Variants in MYO10 observed in about 807,000 individuals in gnomAD.
The protein encoded by MYO10 is myosin X, also known as unconventional myosin-X.
Under a neutral mutation model 257.3 loss-of-function variants are expected in MYO10, and 133 were observed. The observed-to-expected ratio is 0.52, with a 90% confidence interval of 0.45 to 0.60. The LOEUF (loss-of-function observed/expected upper bound fraction) is 0.60, where lower values mean the gene tolerates loss of function less well. MYO10 is among the 20% of genes least tolerant of loss of function. MYO10 has a pLI of 0.00. For synonymous variants in MYO10, 1,104 were observed against 1,028.6 expected (o/e 1.07, Z -1.40); for missense variants, 2,399 against 2,635.7 (o/e 0.91, Z 1.97).
chr5:16,930,580 G>A (rs576092446), intron 1 of MYO10, among the ~76,000 whole-genome samples: 1 of 152,296 alleles, frequency 6.6e-6, no homozygotes, highest in South Asian at 2.1e-4. Flanking sequence ...CAGGAGTACT[G>A]ACATTCCATT....
intron 2 of MYO10, among the ~76,000 whole-genome samples, chr5:16,864,363 C>T (rs1744185419): frequency 6.6e-6 from 1 of 152,098 alleles, no homozygotes; most frequent in African/African-American, 2.4e-5. Context: ...GATGACAAGT[C>T]CCCATTCTAA....
At chr5:16,887,906 A>C (rs971334803) in intron 1 of MYO10, among the ~76,000 whole-genome samples, 11 of 152,208 alleles carry the variant, frequency 7.2e-5, no homozygotes, top group Non-Finnish European at 1.5e-5. Flanking sequence ...AACAATTTTT[A>C]ACACTAAAAG....
chr5:16,780,677 C>G, intron 7 of MYO10, 51 bp downstream of exon 7: 1 of 1,547,358 alleles, frequency 6.5e-7, no homozygotes, highest in Non-Finnish European at 8.8e-7. Context: ...CCAATAATTT[C>G]TGAAAATTGT....
intron 9 of MYO10, among the ~76,000 whole-genome samples, chr5:16,778,715 C>T (rs1173445939): frequency 2.3e-4 from 27 of 116,800 alleles, no homozygotes; most frequent in Non-Finnish European, 3.8e-4. Context: ...TTTTTTGAGA[C>T]GGAGTCTCGC....
chr5:16,816,139 G>A (rs529272257), intron 3 of MYO10, among the ~76,000 whole-genome samples: 2 of 151,276 alleles, frequency 1.3e-5, no homozygotes, highest in Middle Eastern at 3.5e-3. Context: ...TCAGGAGATC[G>A]AGACCATCCT....
chr5:16,925,858 CAA>C (rs1336733729), intron 1 of MYO10, among the ~76,000 whole-genome samples: 1 of 152,126 alleles, frequency 6.6e-6, no homozygotes, highest in African/African-American at 2.4e-5. Flanking sequence ...GTCTTGCTGC[CAA>C]AAGTGTTTCA....
At chr5:16,775,847 G>A (rs1741195848) in intron 9 of MYO10, among the ~76,000 whole-genome samples, 1 of 151,640 alleles carries the variant, frequency 6.6e-6, no homozygotes, top group African/African-American at 2.4e-5. Context: ...GTGATCCATA[G>A]CCTCAGCCTC....
rs866372904 is a variant in MYO10, at chr5:16,664,613, T to G, written c.*2079A>C. On this transcript the variant is annotated 3_prime_UTR_variant, in exon 41 of 41. Coordinates refer to ENST00000513610, the MANE Select transcript of MYO10 (RefSeq NM_012334.3). ...GCTTGCTCATGCTAGACGCCTGGCC[T>G]GGTGGTTTGGGTACATTGGCAACCA... 6.6e-6 allele frequency: 1 copy of G among 152,198 alleles called. No homozygotes were observed. Among genetic ancestry groups the G allele is most frequent in the African/African-American group, 2.4e-5 (1 of 41,444 alleles). The allele number at this position is 152,198 out of a possible 1,614,324, so 9.4% of individuals were successfully genotyped here.
chr5:16,886,923 C>T (rs1430189451), intron 1 of MYO10, among the ~76,000 whole-genome samples: 1 of 135,394 alleles, frequency 7.4e-6, no homozygotes, highest in Admixed American at 7.9e-5. Flanking sequence ...CAGAGCGAGA[C>T]TCCATCTCCA....
chr5:16,672,889 C>T, intron 36 of MYO10, 64 bp from the exon 37 acceptor site: 16 of 1,557,150 alleles, frequency 1.0e-5, no homozygotes, highest in East Asian at 4.7e-5. Context: ...GTTCCCAGAA[C>T]GTGCCATCAC....
At chr5:16,759,828 T>C (rs1740650439) in intron 17 of MYO10, among the ~76,000 whole-genome samples, 1 of 152,134 alleles carries the variant, frequency 6.6e-6, no homozygotes, top group Non-Finnish European at 1.5e-5. Context: ...AAAAATAAAA[T>C]AGCTAACAAT....
At chr5:16,816,457 A>G (rs1378004591) in intron 3 of MYO10, among the ~76,000 whole-genome samples, 1 of 151,634 alleles carries the variant, frequency 6.6e-6, no homozygotes, top group Non-Finnish European at 1.5e-5. Flanking sequence ...GTCTAAGGGT[A>G]GATAAATTGG....
chr5:16,802,041 C>G (rs977345828), intron 3 of MYO10, among the ~76,000 whole-genome samples: 4 of 152,188 alleles, frequency 2.6e-5, no homozygotes, highest in Non-Finnish European at 4.4e-5. Flanking sequence ...AAGATAAACA[C>G]TGTGCGAGTC....
intron 19 of MYO10, among the ~76,000 whole-genome samples, chr5:16,749,417 G>A (rs368175406): frequency 6.6e-6 from 1 of 151,634 alleles, no homozygotes; most frequent in Non-Finnish European, 1.5e-5. Flanking sequence ...AACCCGGGAG[G>A]TGGAGGTTGC....
rs540708975 is a variant in MYO10, at chr5:16,895,667, TCCCCATCCATCCATCTCCCTCCCA to T, written c.22-17984_22-17961del. ...AATTTCCTAGGGGTGGATTCCAGCATCCCCATCCATCCATCTCCCTCCCACCCCATCCATCCTTCCCAAATACTC... is the reference window on the plus strand; with the variant it reads ...AATTTCCTAGGGGTGGATTCCAGCATCCCCATCCATCCTTCCCAAATACTC... On this transcript the variant is annotated intron_variant, in intron 1 of 40. Transcript: ENST00000513610. Among the ~76,000 whole-genome samples the T allele has an allele frequency of 2.1e-4, 32 of 150,428 alleles. No homozygotes were observed. In the South Asian group the frequency reaches 5.5e-3, roughly 26 times the overall value.
In MYO10 at chr5:16,663,331, T is replaced by TGTTTG. The variant is rs1736044052; in HGVS notation, c.*3360_*3361insCAAAC. ...AAGTAACATTTTACTTCTAGTTGTTTTTTTTTTTTTTTTTTTTTTTTTTTT... is the reference window on the plus strand; with the variant it reads ...AAGTAACATTTTACTTCTAGTTGTTTGTTTGTTTTTTTTTTTTTTTTTTTTTTTTT... On this transcript the variant is annotated 3_prime_UTR_variant, in exon 41 of 41. Coordinates refer to ENST00000513610, the MANE Select transcript of MYO10 (RefSeq NM_012334.3). 3.2e-5 allele frequency: 1 copy of TGTTTG among 30,782 alleles called. No individual in the cohort carries two copies. The highest frequency in any genetic ancestry group is 1.1e-4 in the African/African-American group (1 of 9,142). The allele number at this position is 30,782 out of a possible 1,614,324, so 1.9% of individuals were successfully genotyped here.
chr5:16,748,401 C>T (rs1170206867), intron 19 of MYO10, among the ~76,000 whole-genome samples: 1 of 152,096 alleles, frequency 6.6e-6, no homozygotes, highest in African/African-American at 2.4e-5. Flanking sequence ...TACACCACCA[C>T]GCCCAGCAAA....
chr5:16,922,386 T>C (rs1186181905), intron 1 of MYO10, among the ~76,000 whole-genome samples: 2 of 152,118 alleles, frequency 1.3e-5, no homozygotes, highest in Non-Finnish European at 2.9e-5. Flanking sequence ...ATCCAGCTTG[T>C]GATAGCAAAG....
intron 21 of MYO10, among the ~76,000 whole-genome samples, chr5:16,707,451 A>G (rs1425294522): frequency 6.6e-6 from 1 of 152,198 alleles, no homozygotes; most frequent in Non-Finnish European, 1.5e-5. Flanking sequence ...AACTTGACTC[A>G]ATATCCAACA....
Sources: allele counts gnomAD v4.1 joint callset (sites outside exome capture counted in the v4.1 genomes callset), GRCh38; gene constraint gnomAD v4.1.1; transcripts MANE v1.5; gene names NCBI Gene and HGNC (gene_info 2026-07-23, HGNC 2026-07-21).